PIGK: variants seen among roughly 807,000 people sequenced by gnomAD.
PIGK encodes the protein phosphatidylinositol glycan anchor biosynthesis class K.
PIGK carries 42 observed loss-of-function variants against 50.6 expected under a neutral mutation model. That is an observed-to-expected ratio of 0.83 (90% CI 0.65 to 1.07). The LOEUF is 1.07. Ranked by LOEUF, PIGK falls within the 50% of genes least tolerant of loss-of-function variation. The pLI, the probability that PIGK is intolerant of heterozygous loss-of-function variation, is 0.00. For missense variants in PIGK, 448 were observed against 488.7 expected (o/e 0.92, Z 0.78); for synonymous variants, 151 against 156.0 (o/e 0.97, Z 0.24).
chr1:77,217,496 T>G (rs1001987159), intron 1 of PIGK, among the ~76,000 whole-genome samples: 1 of 151,994 alleles, frequency 6.6e-6, no homozygotes, highest in East Asian at 1.9e-4. Flanking sequence ...ATATGCAGGG[T>G]TTTTGTTTGT....
intron 9 of PIGK, among the ~76,000 whole-genome samples, chr1:77,139,778 G>C (rs973545220): frequency 3.9e-5 from 6 of 152,124 alleles, no homozygotes; most frequent in African/African-American, 1.4e-4. Context: ...ATAATTTATA[G>C]TGCATCTAGG....
intron 1 of PIGK, among the ~76,000 whole-genome samples, chr1:77,218,522 GA>G (rs1159383300): frequency 6.6e-6 from 1 of 152,168 alleles, no homozygotes; most frequent in African/African-American, 2.4e-5. Flanking sequence ...TTGAGAAATG[GA>G]GGAGAAAAGG....
In PIGK at chr1:77,161,407, T is replaced by C; in HGVS notation, c.703-2A>G. On this transcript the variant is annotated splice_acceptor_variant, in intron 7 of 10. Coordinates refer to ENST00000370812, the MANE Select transcript of PIGK (RefSeq NM_005482.3). LOFTEE classifies it high-confidence loss of function. ...TCCAATTGCAGGATCAGGTTGATGCTATGGAAAGGGGGAAAAAAAGTATTT... is the reference window on the plus strand; with the variant it reads ...TCCAATTGCAGGATCAGGTTGATGCCATGGAAAGGGGGAAAAAAAGTATTT... 1 of 1,507,904 alleles carries C rather than the reference T, an allele frequency of 6.6e-7. No homozygotes were observed. Among genetic ancestry groups the C allele is most frequent in the East Asian group, 2.3e-5 (1 of 44,294 alleles). 93.4% of individuals were successfully genotyped at this position (1,507,904 alleles called of 1,614,324 possible).
At chr1:77,168,263 C>T (rs1655277389) in intron 4 of PIGK, among the ~76,000 whole-genome samples, 1 of 152,174 alleles carries the variant, frequency 6.6e-6, no homozygotes, top group Non-Finnish European at 1.5e-5. Flanking sequence ...TGCATATCTA[C>T]ATTTAAAAAG....
chr1:77,160,065 G>A (rs970840383), intron 8 of PIGK, among the ~76,000 whole-genome samples: 5 of 152,160 alleles, frequency 3.3e-5, no homozygotes, highest in East Asian at 3.9e-4. Flanking sequence ...GAGGGACTTG[G>A]TGGGAGGTAA....
rs1006397979 is a variant in PIGK, at chr1:77,090,983, T to C, written c.*1391A>G. 6.6e-6 allele frequency: 1 copy of C among 152,138 alleles called. No homozygotes were observed. The highest frequency in any genetic ancestry group is 2.4e-5 in the African/African-American group (1 of 41,442). The allele number at this position is 152,138 out of a possible 1,614,324, so 9.4% of individuals were successfully genotyped here. A position where few individuals can be genotyped will look rare whatever the true frequency, so the allele number is the denominator to read the frequency against. On this transcript the variant is annotated 3_prime_UTR_variant, in exon 11 of 11. Coordinates refer to ENST00000370812, the MANE Select transcript of PIGK (RefSeq NM_005482.3). ...TGCAATTAAAAGGTAATATTATAAG[T>C]GCAAAAGGAAAAACAAATCTTAAGG...
Position 77,128,855 on chromosome 1 carries a change from A to G in PIGK, c.987-6496T>C, listed in dbSNP as rs115533132. The stretch of plus-strand genomic sequence containing the variant: ...CTTTTTTCATTCAAATGTGAGCTCA[A>G]ATGTGACCTGTCACCTGTTTCTGTA... On this transcript the variant is annotated intron_variant, in intron 9 of 10. Coordinates refer to ENST00000370812, the MANE Select transcript of PIGK (RefSeq NM_005482.3). Among the ~76,000 whole-genome samples, 155 of 152,322 alleles carry G rather than the reference A, an allele frequency of 1.0e-3. 2 individuals are homozygous for G. The highest frequency in any genetic ancestry group is 3.5e-3 in the African/African-American group (146 of 41,578).
Position 77,129,036 on chromosome 1 carries a change from T to G in PIGK, c.987-6677A>C, listed in dbSNP as rs1012807193. On this transcript the variant is annotated intron_variant, in intron 9 of 10. Transcript: ENST00000370812. ...AGCTGCATATTTACAACTGAGACCA[T>G]ATGGCCTATGACCTACAAATGCTTT... 4 of 766,376 alleles carry G rather than the reference T, an allele frequency of 5.2e-6. No homozygotes were observed. In the South Asian group the frequency reaches 5.6e-5, roughly 11 times the overall value. 47.5% of individuals were successfully genotyped at this position (766,376 alleles called of 1,614,324 possible). A position where few individuals can be genotyped will look rare whatever the true frequency, so the allele number is the denominator to read the frequency against.
intron 2 of PIGK, among the ~76,000 whole-genome samples, chr1:77,209,987 A>G (rs1656379840): frequency 6.6e-6 from 1 of 152,086 alleles, no homozygotes; most frequent in South Asian, 2.1e-4. Flanking sequence ...AAACAAAATT[A>G]GTCTGCCTTC....
At chr1:77,143,815 T>C (rs992225079) in intron 9 of PIGK, among the ~76,000 whole-genome samples, 4 of 152,064 alleles carry the variant, frequency 2.6e-5, no homozygotes, top group Admixed American at 6.6e-5. Context: ...GAAAGCAGAA[T>C]TGATAACCAG....
chr1:77,202,276 A>G (rs549244421), intron 3 of PIGK, among the ~76,000 whole-genome samples: 1 of 152,336 alleles, frequency 6.6e-6, no homozygotes, highest in South Asian at 2.1e-4. Flanking sequence ...TGTGAGAAAT[A>G]CATAGTATAA....
At position 77,161,319 on chromosome 1, in the gene PIGK, A is replaced by G; in HGVS notation, c.789T>C (p.Ala263=). 1 of 1,573,068 alleles carries G rather than the reference A, an allele frequency of 6.4e-7. No individual in the cohort carries two copies. Among genetic ancestry groups the G allele is most frequent in the Non-Finnish European group, 8.7e-7 (1 of 1,142,880 alleles). The change falls in exon 8 of 11, where the codon GCT becomes GCC. Residue 263 remains alanine, a synonymous_variant. Coordinates refer to ENST00000370812, the MANE Select transcript of PIGK (RefSeq NM_005482.3). ...CAAGGTCATTCATATTAGTTTGGCT[A>G]GCTGGGTTAATTTCTTCCAAAAATT... The part of the protein sequence containing the change: ...VLEFLEEINP[A]SQTNMNDLFQ...
intron 8 of PIGK, among the ~76,000 whole-genome samples, chr1:77,155,794 T>C (rs1467895467): frequency 2.6e-5 from 4 of 152,152 alleles, no homozygotes; most frequent in African/African-American, 9.7e-5. Context: ...GAGATAAGAC[T>C]GTCTGCACTG....
intron 8 of PIGK, among the ~76,000 whole-genome samples, chr1:77,155,391 TAA>T: frequency 6.6e-6 from 1 of 152,276 alleles, no homozygotes; most frequent in South Asian, 2.1e-4. Context: ...GCAAAGCATA[TAA>T]AGTGTCTATT....
At chr1:77,210,694 T>G (rs964691658) in intron 1 of PIGK, among the ~76,000 whole-genome samples, 1 of 152,084 alleles carries the variant, frequency 6.6e-6, no homozygotes, top group Admixed American at 6.5e-5. Context: ...ACAAAAGTCC[T>G]GAACTGGAAA....
intron 3 of PIGK, among the ~76,000 whole-genome samples, chr1:77,198,889 T>C (rs1656092980): frequency 6.6e-6 from 1 of 151,744 alleles, no homozygotes; most frequent in Admixed American, 6.6e-5. Flanking sequence ...AAAATTAATA[T>C]GGAAGAACAA....
intron 3 of PIGK, among the ~76,000 whole-genome samples, chr1:77,182,874 CATA>C: frequency 6.6e-6 from 1 of 152,278 alleles, no homozygotes; most frequent in East Asian, 1.9e-4. Flanking sequence ...TAACTCTATA[CATA>C]ATACCTTTGA....
chr1:77,174,791 C>T (rs563589024), intron 3 of PIGK, among the ~76,000 whole-genome samples: 1 of 152,134 alleles, frequency 6.6e-6, no homozygotes, highest in Admixed American at 6.5e-5. Context: ...GCTGTGCCTG[C>T]TTATTATATT....
intron 9 of PIGK, among the ~76,000 whole-genome samples, chr1:77,149,210 A>G (rs760894125): frequency 2.6e-5 from 4 of 152,194 alleles, no homozygotes; most frequent in Non-Finnish European, 4.4e-5. Context: ...TAGAAAACAA[A>G]TAACAAAATG....
Sources: allele counts gnomAD v4.1 joint callset (sites outside exome capture counted in the v4.1 genomes callset), GRCh38; gene constraint gnomAD v4.1.1; transcripts MANE v1.5; gene names NCBI Gene and HGNC (gene_info 2026-07-23, HGNC 2026-07-21).